The following CFAP20DC variants were observed in gnomAD, a reference collection of about 807,000 sequenced individuals.
CFAP20DC encodes the protein CFAP20 domain containing.
In CFAP20DC, 84 loss-of-function variants were observed where a neutral mutation model predicts 101.7. That is an observed-to-expected ratio of 0.83 (90% CI 0.69 to 0.99). The LOEUF is 0.99. Among genes scored for constraint, CFAP20DC ranks in the 50% least tolerant of loss-of-function variants. CFAP20DC has a pLI of 0.00. For missense variants in CFAP20DC, 1,007 were observed against 970.3 expected, an observed-to-expected ratio of 1.04 and a Z score of -0.50; for synonymous variants, 359 against 351.2, an observed-to-expected ratio of 1.02 and a Z score of -0.25.
intron 15 of CFAP20DC, among the ~76,000 whole-genome samples, chr3:58,755,932 GGTTAAAAAAATTAAAATAAT>G (rs1285429807): frequency 1.3e-5 from 2 of 151,906 alleles, no homozygotes; most frequent in Non-Finnish European, 2.9e-5. Flanking sequence ...ATTTTTAAAT[GGTTAAAAAAATTAAAATAAT>G]GTTTCATGAC....
At chr3:59,039,758 C>T (rs2094165594) in intron 3 of CFAP20DC, 129 bp from the exon 4 acceptor site, 1 of 523,064 alleles carries the variant, frequency 1.9e-6, no homozygotes, top group Admixed American at 3.9e-5. Flanking sequence ...CTGCAAATAG[C>T]ACTACCTATG....
rs770516341 is a variant in CFAP20DC at position 58,897,205 on chromosome 3, C to G, written c.551-12496G>C. Among the ~76,000 whole-genome samples the G allele has an allele frequency of 6.6e-6, 1 of 152,124 alleles. No homozygotes were observed. The highest frequency in any genetic ancestry group is 1.5e-5 in the Non-Finnish European group (1 of 68,028). On this transcript the variant is annotated intron_variant, in intron 6 of 16. Transcript: ENST00000482387. The surrounding 1 kb of genome is among the most constrained non-coding windows in gnomAD (Gnocchi z 4.4). Reference sequence around the variant, plus strand: ...TTGTCAGAAACTAGGATTGCAACCCCTGCTTTTTTCTGTTTTCCATTTGCT... The same window carrying G: ...TTGTCAGAAACTAGGATTGCAACCCGTGCTTTTTTCTGTTTTCCATTTGCT...
chr3:58,967,202 C>G (rs989677553), intron 4 of CFAP20DC, among the ~76,000 whole-genome samples: 2 of 152,120 alleles, frequency 1.3e-5, no homozygotes, highest in African/African-American at 2.4e-5. Flanking sequence ...AATAAAACTA[C>G]ATTCAGAAAT....
intron 4 of CFAP20DC, among the ~76,000 whole-genome samples, chr3:58,995,716 T>G (rs2093099176): frequency 6.6e-6 from 1 of 152,148 alleles, no homozygotes; most frequent in Non-Finnish European, 1.5e-5. Flanking sequence ...TCTCATCCAA[T>G]CAATTGGAGC....
intron 6 of CFAP20DC, among the ~76,000 whole-genome samples, chr3:58,901,618 G>A (rs928311462): frequency 6.6e-6 from 1 of 152,156 alleles, no homozygotes; most frequent in Non-Finnish European, 1.5e-5. Flanking sequence ...GGTGAAAAAA[G>A]CACTACATCT....
At chr3:58,879,739 G>C (rs1261303060) in intron 7 of CFAP20DC, among the ~76,000 whole-genome samples, 1 of 152,032 alleles carries the variant, frequency 6.6e-6, no homozygotes, top group Non-Finnish European at 1.5e-5. Flanking sequence ...AGAGTGTCTT[G>C]GGGGTTGGTG....
intron 4 of CFAP20DC, among the ~76,000 whole-genome samples, chr3:58,955,598 T>G (rs960278126): frequency 4.6e-5 from 7 of 152,040 alleles, no homozygotes; most frequent in Admixed American, 3.3e-4. Context: ...TGGACTAAAG[T>G]GCTCTGGGGC....
In CFAP20DC at chr3:58,874,782, T is replaced by G. The variant is rs988700746; in HGVS notation, c.716-4473A>C. On this transcript the variant is annotated intron_variant, in intron 7 of 16. Coordinates refer to ENST00000482387, the MANE Select transcript of CFAP20DC (RefSeq NM_001394063.1). The surrounding 1 kb of genome is among the most constrained non-coding windows in gnomAD (Gnocchi z 5.1). ...TGTCAGAATTGAACTTTTACACATG[T>G]CCATGGGATTCTCTAATTAATGTGT... 1.2e-4 allele frequency among the ~76,000 whole-genome samples: 19 copies of G among 152,198 alleles called. No individual in the cohort carries two copies. The highest frequency in any genetic ancestry group is 2.5e-4 in the Non-Finnish European group (17 of 68,038).
In CFAP20DC at chr3:58,781,604, T is replaced by C. The variant is rs1606929; in HGVS notation, c.2237+24791A>G. Among the ~76,000 whole-genome samples the C allele has an allele frequency of 2.1e-3, 316 of 152,004 alleles. 3 individuals are homozygous for C. The highest frequency in any genetic ancestry group is 7.4e-3 in the African/African-American group (308 of 41,520). On this transcript the variant is annotated intron_variant, in intron 15 of 16. Transcript: ENST00000482387. ...AAAATCAGAAATGAAACCGAAGATA[T>C]TACAATTGTTACCATGGAAATACAA...
intron 15 of CFAP20DC, among the ~76,000 whole-genome samples, chr3:58,772,181 A>C (rs1297587926): frequency 6.6e-6 from 1 of 152,130 alleles, no homozygotes; most frequent in Non-Finnish European, 1.5e-5. Flanking sequence ...TTACACTCTA[A>C]TAAGGAATAT....
chr3:58,763,719 G>A (rs2069928397), intron 15 of CFAP20DC, among the ~76,000 whole-genome samples: 1 of 152,176 alleles, frequency 6.6e-6, no homozygotes, highest in Non-Finnish European at 1.5e-5. Flanking sequence ...AGGTTTTGGT[G>A]TGGATGTCCT....
intron 4 of CFAP20DC, among the ~76,000 whole-genome samples, chr3:58,949,494 C>T (rs1273872120): frequency 6.6e-6 from 1 of 151,992 alleles, no homozygotes; most frequent in Non-Finnish European, 1.5e-5. Context: ...TCTTTGTTCT[C>T]GTTGGTTTCA....
At chr3:58,806,839 C>T (rs973716387) in intron 14 of CFAP20DC, among the ~76,000 whole-genome samples, 1 of 152,162 alleles carries the variant, frequency 6.6e-6, no homozygotes, top group African/African-American at 2.4e-5. Context: ...ACAGATGGCA[C>T]CTGGAAAATC....
intron 4 of CFAP20DC, among the ~76,000 whole-genome samples, chr3:58,947,119 T>A (rs1018123673): frequency 2.6e-5 from 4 of 152,150 alleles, no homozygotes; most frequent in African/African-American, 9.7e-5. Flanking sequence ...AACTCCAAGG[T>A]TAGTAGTTAC....
At chr3:58,920,451 C>T (rs1378852654) in intron 5 of CFAP20DC, among the ~76,000 whole-genome samples, 2 of 152,002 alleles carry the variant, frequency 1.3e-5, no homozygotes, top group Non-Finnish European at 2.9e-5. Context: ...AATATTTTAT[C>T]GTAAGTGTGA....
At position 58,863,465 on chromosome 3, in the gene CFAP20DC, A is replaced by G. The variant is rs1281787040; in HGVS notation, c.1593+93T>C. ...GTTGCATTTTTATAAATAGCAGTTG[A>G]TTTTCCCTCTTTCATTTCAACTTGT... On this transcript the variant is annotated intron_variant, in intron 12 of 16. Coordinates refer to ENST00000482387, the MANE Select transcript of CFAP20DC (RefSeq NM_001394063.1). This position sits in a 1 kb window ranked among gnomAD's most constrained non-coding sequence, Gnocchi z 5.9. 1.3e-6 allele frequency: 2 copies of G among 1,527,508 alleles called. No homozygotes were observed. Among genetic ancestry groups the G allele is most frequent in the South Asian group, 1.2e-5 (1 of 81,218 alleles). The allele number at this position is 1,527,508 out of a possible 1,614,324, so 94.6% of individuals were successfully genotyped here.
chr3:58,755,301 C>A (rs1404173460), intron 15 of CFAP20DC, among the ~76,000 whole-genome samples: 8 of 151,190 alleles, frequency 5.3e-5, no homozygotes, highest in Admixed American at 5.3e-4. Context: ...AAGGATTTGT[C>A]ACAGACTTCC....
At chr3:59,020,211 T>C (rs374672742) in intron 4 of CFAP20DC, among the ~76,000 whole-genome samples, 36 of 152,154 alleles carry the variant, frequency 2.4e-4, no homozygotes, top group Middle Eastern at 3.4e-3. Flanking sequence ...ACATGGTAAA[T>C]ATTGAGCTAC....
At chr3:58,858,855 G>A (rs2079033851) in intron 12 of CFAP20DC, among the ~76,000 whole-genome samples, 1 of 152,154 alleles carries the variant, frequency 6.6e-6, no homozygotes, top group South Asian at 2.1e-4. Context: ...AACAGAGCTA[G>A]TATATGTATA....
Sources: gnomAD v4.1 joint callset for allele counts (sites outside exome capture counted in the v4.1 genomes callset) on GRCh38, gnomAD v4.1.1 for gene constraint, Gnocchi (gnomAD v3.1) non-coding constraint, MANE v1.5 for transcripts, NCBI Gene and HGNC (gene_info 2026-07-23, HGNC 2026-07-21) for gene names.